The following EML2 variants were observed in gnomAD, a reference collection of about 807,000 sequenced individuals.
EML2 encodes echinoderm microtubule-associated protein-like 2.
Under a neutral mutation model 84.7 loss-of-function variants are expected in EML2, and 59 were observed. The ratio of observed to expected loss-of-function variants is 0.70; its 90% CI spans 0.56 to 0.86. EML2 has a LOEUF of 0.86. Among genes scored for constraint, EML2 ranks in the 40% least tolerant of loss-of-function variants. The probability of loss-of-function intolerance (pLI) is 0.00; values close to 1 mark genes in which losing one functional copy is unlikely to be tolerated. For missense variants in EML2, 818 were observed against 855.6 expected (o/e 0.96, Z 0.55); for synonymous variants, 352 against 348.9 (o/e 1.01, Z -0.10).
At chr19:45,617,770 G>T in intron 12 of EML2, 73 bp from the exon 13 acceptor site, 1 of 1,397,418 alleles carries the variant, frequency 7.2e-7, no homozygotes, top group Non-Finnish European at 9.9e-7. Context: ...TCTTGCCTCA[G>T]GGCCAAGTCT....
chr19:45,639,730 A>C (rs1435190563), upstream of EML2, among the ~76,000 whole-genome samples: 1 of 152,146 alleles, frequency 6.6e-6, no homozygotes, highest in African/African-American at 2.4e-5. Context: ...GCGGTGGCTC[A>C]TGCCTGTAAT....
At chr19:45,611,926 A>C (rs1051572403) in intron 18 of EML2, among the ~76,000 whole-genome samples, 3 of 151,688 alleles carry the variant, frequency 2.0e-5, no homozygotes, top group African/African-American at 7.3e-5. Flanking sequence ...GGCTGGAGTA[A>C]AGTGGCACGA....
Position 45,616,500 on chromosome 19 carries a change from G to C in EML2, c.1470C>G (p.Asp490Glu). The C allele has an allele frequency of 6.2e-7, 1 of 1,603,236 alleles. No homozygotes were observed. Among genetic ancestry groups the C allele is most frequent in the Non-Finnish European group, 8.5e-7 (1 of 1,171,798 alleles). ...GGCGGCTGACCTTGCGGCCGCCCTG[G>C]TCCACCGTGTACACGTACACCAAGT... ...HDNLVYVYTV[D>E]QGGRKVSRLG... Residue 490 changes from aspartate to glutamate, a missense_variant, in exon 15 of 19, where the codon GAC becomes GAG. By Grantham distance (45) the Asp-to-Glu change is conservative. Transcript: ENST00000245925.
upstream of EML2, among the ~76,000 whole-genome samples, chr19:45,644,415 C>T (rs1362293099): frequency 6.6e-6 from 1 of 152,152 alleles, no homozygotes. Flanking sequence ...GGGTCCCCTG[C>T]CAATTCCAGT....
upstream of EML2, chr19:45,643,486 G>A: frequency 8.1e-7 from 1 of 1,237,268 alleles, no homozygotes; most frequent in South Asian, 1.7e-5. Context: ...ATGACTCCCC[G>A]AGTCGCCCCC....
intron 3 of EML2, among the ~76,000 whole-genome samples, chr19:45,635,330 G>T (rs1009661291): frequency 7.9e-5 from 12 of 151,936 alleles, no homozygotes; most frequent in African/African-American, 2.7e-4. Context: ...GTAGAGATGG[G>T]GTTTCACCAT....
intron 13 of EML2, 102 bp downstream of exon 13, chr19:45,617,528 G>T: frequency 9.3e-7 from 1 of 1,074,482 alleles, no homozygotes; most frequent in Non-Finnish European, 1.4e-6. Context: ...GAGGGATCAG[G>T]GCTCGGTAAA....
chr19:45,632,955 A>G lies in EML2; in HGVS notation c.416T>C (p.Val139Ala), dbSNP rs1461100159. Residue 139 changes from valine (V) to alanine (A), a missense_variant, in exon 6 of 19, where the codon GTG (valine) becomes GCG (alanine). Transcript: ENST00000245925. Reference sequence around the variant, plus strand: ...GAGGGAAACTGAGTCCCAGATGCGCACGTGGGGCGGCAGCGGCTGCAGGGA... The same window carrying G: ...GAGGGAAACTGAGTCCCAGATGCGCGCGTGGGGCGGCAGCGGCTGCAGGGA... ...TKEGKPLPPH[V>A]RIWDSVSLST... 32 of 1,614,146 alleles carry G rather than the reference A, an allele frequency of 2.0e-5. No individual in the cohort carries two copies. The highest frequency in any genetic ancestry group is 2.7e-5 in the Non-Finnish European group (32 of 1,180,024).
rs1972098196 is a variant in EML2, at chr19:45,624,707, G to A, written c.841+12C>T. ...ACTGGATTGGGAACCAAACAGATGG[G>A]GTGACACTGACCTTTGCCCCAAACA... On this transcript the variant is annotated intron_variant, in intron 9 of 18. Transcript: ENST00000245925. 1 of 1,604,598 alleles carries A rather than the reference G, an allele frequency of 6.2e-7. No homozygotes were observed. The highest frequency in any genetic ancestry group is 8.5e-7 in the Non-Finnish European group (1 of 1,171,956).
chr19:45,609,878 G>C, intron 18 of EML2, 90 bp from the exon 19 acceptor site: 1 of 1,437,584 alleles, frequency 7.0e-7, no homozygotes, highest in Non-Finnish European at 9.2e-7. Context: ...GTTCTTTTCT[G>C]CTCTTCCTCT....
At position 45,639,353 on chromosome 19, in the gene EML2, T is replaced by C. The variant is rs1027083819; in HGVS notation, c.20+4A>G. ...ATGGGGGGTGGTCTGCGAAAGGGTCTCACCCAGCTCCAAAGCTACTCATGG... is the reference window on the plus strand; with the variant it reads ...ATGGGGGGTGGTCTGCGAAAGGGTCCCACCCAGCTCCAAAGCTACTCATGG... On this transcript the variant is annotated splice_donor_region_variant and intron_variant, in intron 1 of 18. Transcript: ENST00000245925. 6.0e-5 allele frequency: 78 copies of C among 1,296,268 alleles called. No individual in the cohort carries two copies. Among genetic ancestry groups the C allele is most frequent in the Non-Finnish European group, 4.9e-5 (50 of 1,015,036 alleles). 80.3% of individuals were successfully genotyped at this position (1,296,268 alleles called of 1,614,324 possible).
At chr19:45,642,239 C>A, upstream of EML2, 2 of 1,535,896 alleles carry the variant, frequency 1.3e-6, no homozygotes, top group Non-Finnish European at 8.7e-7. Flanking sequence ...CGCAGAGCAT[C>A]CGCCAGCGCC....
upstream of EML2, chr19:45,645,281 T>C: frequency 6.5e-7 from 1 of 1,533,530 alleles, no homozygotes; most frequent in South Asian, 1.2e-5. Flanking sequence ...ACCGTTGCAG[T>C]ATCGCAGCAG....
At chr19:45,624,695 C>T in intron 9 of EML2, 24 bp downstream of exon 9, 3 of 1,586,792 alleles carry the variant, frequency 1.9e-6, no homozygotes, top group Non-Finnish European at 2.6e-6. Flanking sequence ...GGATTGGGAA[C>T]CAAACAGATG....
At chr19:45,645,140 T>G, upstream of EML2, 1 of 1,051,562 alleles carries the variant, frequency 9.5e-7, no homozygotes, top group Non-Finnish European at 1.3e-6. Context: ...TGGGTCAGGG[T>G]CCTGCTGAGG....
upstream of EML2, chr19:45,642,308 C>T: frequency 6.5e-7 from 1 of 1,535,826 alleles, no homozygotes; most frequent in Non-Finnish European, 8.7e-7. Context: ...AGCGCCGACA[C>T]GCGGTCGTCC....
chr19:45,612,707 A>G (rs886818215), intron 18 of EML2, among the ~76,000 whole-genome samples: 6 of 152,106 alleles, frequency 3.9e-5, no homozygotes, highest in African/African-American at 1.4e-4. Context: ...AAGAAGAGAA[A>G]GGAGAAAGAA....
At chr19:45,613,069 G>A (rs1970657725) in intron 18 of EML2, among the ~76,000 whole-genome samples, 1 of 151,880 alleles carries the variant, frequency 6.6e-6, no homozygotes, top group Non-Finnish European at 1.5e-5. Flanking sequence ...AGCTAATTTT[G>A]TGTGTATTTT....
intron 3 of EML2, among the ~76,000 whole-genome samples, chr19:45,636,612 C>A (rs1476405327): frequency 4.6e-5 from 7 of 152,172 alleles, no homozygotes; most frequent in Non-Finnish European, 7.3e-5. Flanking sequence ...CTGTCATGGT[C>A]AGCACTGGGT....
Sources: gnomAD v4.1 joint callset for allele counts (sites outside exome capture counted in the v4.1 genomes callset) on GRCh38, gnomAD v4.1.1 for gene constraint, MANE v1.5 for transcripts, NCBI Gene and HGNC (gene_info 2026-07-23, HGNC 2026-07-21) for gene names.